Variants in PIP5K1B observed in about 807,000 individuals in gnomAD.
The protein encoded by PIP5K1B is phosphatidylinositol 4-phosphate 5-kinase type-1 beta.
A neutral mutation model predicts 67.0 loss-of-function variants in PIP5K1B; 42 were observed. The ratio of observed to expected loss-of-function variants is 0.63; its 90% CI spans 0.49 to 0.81. The LOEUF is 0.81. Ranked by LOEUF, PIP5K1B falls within the 30% of genes least tolerant of loss-of-function variation. The probability of loss-of-function intolerance (pLI) is 0.00; values close to 1 mark genes in which losing one functional copy is unlikely to be tolerated. For missense variants in PIP5K1B, 459 were observed against 646.3 expected (o/e 0.71, Z 3.14); for synonymous variants, 214 against 231.4 (o/e 0.92, Z 0.68).
At chr9:68,884,500 A>G (rs1194815196) in intron 6 of PIP5K1B, among the ~76,000 whole-genome samples, 1 of 151,972 alleles carries the variant, frequency 6.6e-6, no homozygotes, top group East Asian at 1.9e-4. Context: ...CCATCTCTAC[A>G]AAAACACAAA....
rs539394698 is a variant in PIP5K1B, at chr9:68,725,389, C to T, written c.-242-17112C>T. On this transcript the variant is annotated intron_variant, in intron 1 of 15. Transcript: ENST00000265382. ...AAATCTAGCCACTGGCTCCTGACCT[C>T]ATTCAAAGACATGTTGTGAGGCCAA... Among the ~76,000 whole-genome samples, 3 of 152,310 alleles carry T rather than the reference C, an allele frequency of 2.0e-5. No individual in the cohort carries two copies. In the South Asian group the frequency reaches 6.2e-4, roughly 32 times the overall value.
At chr9:68,807,053 AG>A (rs1295778860) in intron 2 of PIP5K1B, among the ~76,000 whole-genome samples, 2 of 152,072 alleles carry the variant, frequency 1.3e-5, no homozygotes, top group Non-Finnish European at 1.5e-5. Context: ...GCCAAGTAAA[AG>A]TATTAACTCT....
intron 2 of PIP5K1B, among the ~76,000 whole-genome samples, chr9:68,747,766 A>G (rs993876751): frequency 2.6e-5 from 4 of 152,154 alleles, no homozygotes; most frequent in African/African-American, 9.7e-5. Context: ...TATTCAGTCC[A>G]GGGTCATATA....
chr9:68,928,968 G>C (rs1188906105), intron 12 of PIP5K1B, among the ~76,000 whole-genome samples: 1 of 152,086 alleles, frequency 6.6e-6, no homozygotes, highest in Admixed American at 6.5e-5. Context: ...TTCGAGACCA[G>C]CCTGACCAAC....
chr9:68,876,551 G>T (rs775051563), intron 5 of PIP5K1B, 126 bp from the exon 6 acceptor site: 2 of 636,612 alleles, frequency 3.1e-6, no homozygotes, highest in South Asian at 1.9e-5. Flanking sequence ...TGAGAAACCC[G>T]CTCTCAGGGG....
In PIP5K1B at chr9:68,863,840, G is replaced by A; in HGVS notation, c.73G>A (p.Ala25Thr). Residue 25 changes from alanine (A) to threonine (T), a missense_variant, in exon 5 of 16, where the codon GCA (alanine) becomes ACA (threonine). Physicochemically the swap from Ala to Thr is moderately conservative, Grantham distance 58. Transcript: ENST00000265382. ...GAGACCCTTGTTTTCTTTGCAGACTGCATCATCTGCTATTAAAGGTGCTAT... is the reference window on the plus strand; with the variant it reads ...GAGACCCTTGTTTTCTTTGCAGACTACATCATCTGCTATTAAAGGTGCTAT... ...QNEEKTYKKTASSAIKGAIQL... is the reference protein window; with the variant it reads ...QNEEKTYKKTTSSAIKGAIQL... The A allele has an allele frequency of 1.2e-6, 2 of 1,613,250 alleles. No individual in the cohort carries two copies. Among genetic ancestry groups the A allele is most frequent in the Non-Finnish European group, 1.7e-6 (2 of 1,179,490 alleles).
intron 1 of PIP5K1B, among the ~76,000 whole-genome samples, chr9:68,734,308 C>G (rs1276747863): frequency 6.6e-6 from 1 of 152,158 alleles, no homozygotes; most frequent in African/African-American, 2.4e-5. Context: ...CAACCAACTG[C>G]CTGGGAACTC....
chr9:68,898,408 C>T (rs1368535581), intron 8 of PIP5K1B, among the ~76,000 whole-genome samples: 2 of 152,162 alleles, frequency 1.3e-5, no homozygotes, highest in Non-Finnish European at 2.9e-5. Context: ...TGCTCACTGC[C>T]ACAGCCATCC....
intron 2 of PIP5K1B, among the ~76,000 whole-genome samples, chr9:68,790,992 G>T (rs887594451): frequency 2.0e-5 from 3 of 152,208 alleles, no homozygotes; most frequent in Non-Finnish European, 4.4e-5. Context: ...ACTGAAAGTA[G>T]AGAACAGAGA....
At chr9:68,712,743 G>A (rs777610234) in intron 1 of PIP5K1B, among the ~76,000 whole-genome samples, 6 of 152,192 alleles carry the variant, frequency 3.9e-5, no homozygotes, top group Non-Finnish European at 7.4e-5. Context: ...GATAAATTCT[G>A]GCATGATTAT....
chr9:68,737,673 G>A (rs1222787935), intron 1 of PIP5K1B, among the ~76,000 whole-genome samples: 2 of 152,198 alleles, frequency 1.3e-5, no homozygotes, highest in Non-Finnish European at 2.9e-5. Flanking sequence ...GGTTCCAGAA[G>A]ACCAGAGATA....
At chr9:68,799,714 A>G (rs1832492951) in intron 2 of PIP5K1B, among the ~76,000 whole-genome samples, 1 of 152,208 alleles carries the variant, frequency 6.6e-6, no homozygotes. Context: ...CTGGACTTTT[A>G]TATCAGACGC....
At position 68,817,460 on chromosome 9, in the gene PIP5K1B, A is replaced by G. The variant is rs1262614174; in HGVS notation, c.-85-1001A>G. On this transcript the variant is annotated intron_variant, in intron 2 of 15. Coordinates refer to ENST00000265382, the MANE Select transcript of PIP5K1B (RefSeq NM_003558.4). ...TGTTTATTCCTGCTCTGGTTAAGGT[A>G]GCCAAATTTGGAAACAGTCTGCATG... is the stretch of plus-strand genomic sequence containing the variant. Among the ~76,000 whole-genome samples the G allele has an allele frequency of 3.3e-5, 5 of 152,226 alleles. No individual in the cohort carries two copies. In the East Asian group the frequency reaches 9.6e-4, roughly 29 times the overall value.
chr9:68,824,941 G>A (rs1833907578), intron 4 of PIP5K1B, among the ~76,000 whole-genome samples: 1 of 152,132 alleles, frequency 6.6e-6, no homozygotes, highest in South Asian at 2.1e-4. Flanking sequence ...ATTTCAGAAT[G>A]GGAAAATTGT....
At position 68,925,795 on chromosome 9, in the gene PIP5K1B, A is replaced by ATTTTTTTTTTTTTTTTTTTT. The variant is rs71353094; in HGVS notation, c.1201+2410_1201+2429dup. Among the ~76,000 whole-genome samples, 131 of 73,260 alleles carry ATTTTTTTTTTTTTTTTTTTT rather than the reference A, an allele frequency of 1.8e-3. 25 individuals are homozygous for ATTTTTTTTTTTTTTTTTTTT. Among genetic ancestry groups the ATTTTTTTTTTTTTTTTTTTT allele is most frequent in the African/African-American group, 6.6e-3 (115 of 17,538 alleles). The allele number at this position is 73,260 out of a possible 152,430, so 48.1% of individuals were successfully genotyped here. A position where few individuals can be genotyped will look rare whatever the true frequency, so the allele number is the denominator to read the frequency against. On this transcript the variant is annotated intron_variant, in intron 12 of 15. Coordinates refer to ENST00000265382, the MANE Select transcript of PIP5K1B (RefSeq NM_003558.4). ...ACATGAATACCAGCTTGTGGTTCCA[A>ATTTTTTTTTTTTTTTTTTTT]TTTTTTTTTTTTTTTTTTTTGAGAC...
chr9:68,717,673 A>G (rs1353350766), intron 1 of PIP5K1B, among the ~76,000 whole-genome samples: 1 of 152,016 alleles, frequency 6.6e-6, no homozygotes, highest in East Asian at 1.9e-4. Context: ...TGACCTAATC[A>G]CCTCCTAATA....
chr9:68,930,979 G>A (rs1010838274), intron 12 of PIP5K1B, among the ~76,000 whole-genome samples: 1 of 151,942 alleles, frequency 6.6e-6, no homozygotes, highest in Non-Finnish European at 1.5e-5. Flanking sequence ...ACTTTAAGAT[G>A]TTCCATCAAC....
At chr9:68,824,650 C>A (rs766194267) in intron 4 of PIP5K1B, among the ~76,000 whole-genome samples, 2 of 152,016 alleles carry the variant, frequency 1.3e-5, no homozygotes, top group African/African-American at 2.4e-5. Flanking sequence ...ACCAAGAAGA[C>A]CAGCACAGCA....
At chr9:68,972,475 T>C (rs1035240090) in intron 14 of PIP5K1B, among the ~76,000 whole-genome samples, 1 of 152,082 alleles carries the variant, frequency 6.6e-6, no homozygotes, top group Admixed American at 6.6e-5. Context: ...ACCCCGTCTC[T>C]ACAAAAAATA....
Sources: allele counts gnomAD v4.1 joint callset (sites outside exome capture counted in the v4.1 genomes callset), GRCh38; gene constraint gnomAD v4.1.1; transcripts MANE v1.5; gene names NCBI Gene and HGNC (gene_info 2026-07-23, HGNC 2026-07-21).